DPYSL2: variants seen among roughly 807,000 people sequenced by gnomAD.
DPYSL2 encodes dihydropyrimidinase like 2, also known as dihydropyrimidinase-related protein 2.
A neutral mutation model predicts 69.9 loss-of-function variants in DPYSL2; 13 were observed. That is an observed-to-expected ratio of 0.19 (90% CI 0.12 to 0.30). The LOEUF (loss-of-function observed/expected upper bound fraction) is 0.30. Ranked by LOEUF, DPYSL2 falls within the 10% of genes least tolerant of loss-of-function variation. The pLI, the probability that DPYSL2 is intolerant of heterozygous loss-of-function variation, is 1.00. For missense variants in DPYSL2, 587 were observed against 918.9 expected (o/e 0.64, Z 4.67); for synonymous variants, 326 against 359.1 (o/e 0.91, Z 1.04).
At chr8:26,544,107 A>G (rs540937765) in intron 1 of DPYSL2, among the ~76,000 whole-genome samples, 19 of 152,366 alleles carry the variant, frequency 1.2e-4, no homozygotes, top group Admixed American at 6.5e-4. Flanking sequence ...GACTCAATGT[A>G]TTAGTTTACT....
chr8:26,630,487 G>C (rs374335793), intron 7 of DPYSL2, among the ~76,000 whole-genome samples: 1 of 152,180 alleles, frequency 6.6e-6, no homozygotes, highest in African/African-American at 2.4e-5. Context: ...CAGTTCTCAC[G>C]TGAGCCCTGT....
chr8:26,534,433 G>A (rs1352904128), intron 1 of DPYSL2, among the ~76,000 whole-genome samples: 1 of 151,568 alleles, frequency 6.6e-6, no homozygotes, highest in African/African-American at 2.4e-5. Flanking sequence ...TACTAGGATT[G>A]TAGGCATAAG....
intron 1 of DPYSL2, among the ~76,000 whole-genome samples, chr8:26,524,654 C>T (rs1479606724): frequency 5.9e-5 from 9 of 151,584 alleles, no homozygotes; most frequent in African/African-American, 1.5e-4. Flanking sequence ...AAAAATTAGC[C>T]GGGCATGTAT....
At chr8:26,578,323 C>A in intron 1 of DPYSL2, 2 of 1,613,860 alleles carry the variant, frequency 1.2e-6, no homozygotes, top group Non-Finnish European at 1.7e-6. Context: ...AATCTGCGGT[C>A]GGCCAGCCAC....
Position 26,517,400 on chromosome 8 carries a change from G to A in DPYSL2, c.354+2721G>A, listed in dbSNP as rs1441576022. 1.3e-5 allele frequency among the ~76,000 whole-genome samples: 2 copies of A among 152,224 alleles called. No individual in the cohort carries two copies. Among genetic ancestry groups the A allele is most frequent in the Admixed American group, 1.3e-4 (2 of 15,286 alleles). On this transcript the variant is annotated intron_variant, in intron 1 of 13. Coordinates refer to ENST00000521913, the MANE Select transcript of DPYSL2 (RefSeq NM_001197293.3). The surrounding 1 kb of genome is among the most constrained non-coding windows in gnomAD (Gnocchi z 4.2). The stretch of plus-strand genomic sequence containing the variant: ...CATGTCAGATTTTGGCGGAGGAAAA[G>A]AGCTGGCATAGTGGTTGTGAATGAG...
intron 1 of DPYSL2, among the ~76,000 whole-genome samples, chr8:26,518,028 C>T (rs1292745652): frequency 6.6e-6 from 1 of 152,236 alleles, no homozygotes; most frequent in East Asian, 1.9e-4. Flanking sequence ...TCAGTCTTGG[C>T]TTCCCTTCTC....
intron 1 of DPYSL2, among the ~76,000 whole-genome samples, chr8:26,534,861 G>T (rs1225294596): frequency 6.6e-6 from 1 of 152,014 alleles, no homozygotes; most frequent in African/African-American, 2.4e-5. Flanking sequence ...TCTAACTCCT[G>T]ACCTCAAGTA....
chr8:26,556,295 G>GTATATATATACTATATATATAC (rs1381976098), intron 1 of DPYSL2, among the ~76,000 whole-genome samples: 1 of 6,784 alleles, frequency 1.5e-4, no homozygotes, highest in African/African-American at 3.2e-4. Context: ...AATATATATA[G>GTATATATATACTATATATATAC]TATATATATA....
At chr8:26,515,889 C>T (rs1808278943) in intron 1 of DPYSL2, among the ~76,000 whole-genome samples, 1 of 152,152 alleles carries the variant, frequency 6.6e-6, no homozygotes, top group African/African-American at 2.4e-5. Flanking sequence ...AGAGGGCTTC[C>T]AGAGTAGTTG....
chr8:26,632,604 C>T (rs978982835), intron 7 of DPYSL2, among the ~76,000 whole-genome samples: 3 of 152,074 alleles, frequency 2.0e-5, no homozygotes, highest in African/African-American at 7.2e-5. Context: ...TTTGGGAGGC[C>T]GAGGTGGGAA....
chr8:26,556,278 TTTATATA>T (rs368423114), intron 1 of DPYSL2, among the ~76,000 whole-genome samples: 2 of 10,988 alleles, frequency 1.8e-4, no homozygotes, highest in South Asian at 2.5e-3. Flanking sequence ...ATATATAGTA[TTTATATA>T]ATATATATAG....
At chr8:26,547,898 T>C in intron 1 of DPYSL2, 1 of 274,720 alleles carries the variant, frequency 3.6e-6, no homozygotes, top group Admixed American at 3.4e-5. Flanking sequence ...TGAGTGCCAC[T>C]GAAATCCCCA....
Position 26,640,609 on chromosome 8 carries a change from T to G in DPYSL2, c.1127-2830T>G, listed in dbSNP as rs546322189. Among the ~76,000 whole-genome samples the G allele has an allele frequency of 2.0e-4, 30 of 152,132 alleles. No individual in the cohort carries two copies. The highest frequency in any genetic ancestry group is 3.5e-4 in the Non-Finnish European group (24 of 68,028). On this transcript the variant is annotated intron_variant, in intron 8 of 13. Transcript: ENST00000521913. The surrounding 1 kb of genome is among the most constrained non-coding windows in gnomAD (Gnocchi z 4.2). ...CTGGGGATGGGAGGCAGAGACTCTA[T>G]GTATAGATCATACTCTTGTGGAGGT...
chr8:26,523,171 T>TATA (rs1563373603), intron 1 of DPYSL2, among the ~76,000 whole-genome samples: 35 of 151,520 alleles, frequency 2.3e-4, no homozygotes, highest in African/African-American at 7.7e-4. Context: ...ATATATATAT[T>TATA]TTTAAATAAT....
intron 7 of DPYSL2, among the ~76,000 whole-genome samples, chr8:26,631,722 A>T (rs1802779267): frequency 6.6e-6 from 1 of 152,056 alleles, no homozygotes; most frequent in Non-Finnish European, 1.5e-5. Context: ...CTTGTATGCC[A>T]GGCCCTGAGT....
intron 3 of DPYSL2, among the ~76,000 whole-genome samples, chr8:26,584,414 A>G (rs1407855921): frequency 6.6e-6 from 1 of 152,128 alleles, no homozygotes; most frequent in African/African-American, 2.4e-5. Flanking sequence ...GGCTGCAACA[A>G]ATGAAATGCT....
intron 1 of DPYSL2, chr8:26,577,034 C>T: frequency 2.8e-6 from 1 of 362,662 alleles, no homozygotes; most frequent in South Asian, 1.9e-5. Flanking sequence ...ATTCCTCCGC[C>T]CTACTAAGTT....
At chr8:26,540,685 C>T (rs1296094393) in intron 1 of DPYSL2, among the ~76,000 whole-genome samples, 1 of 152,116 alleles carries the variant, frequency 6.6e-6, no homozygotes, top group African/African-American at 2.4e-5. Flanking sequence ...GCAGGCAGAT[C>T]ACCTGAAGTT....
At position 26,640,081 on chromosome 8, in the gene DPYSL2, G is replaced by A. The variant is rs1416837965; in HGVS notation, c.1127-3358G>A. Among the ~76,000 whole-genome samples the A allele has an allele frequency of 6.6e-6, 1 of 152,170 alleles. No homozygotes were observed. Among genetic ancestry groups the A allele is most frequent in the African/African-American group, 2.4e-5 (1 of 41,436 alleles). ...AGTTGGTTTTCACTGTGCTTTGGTGGCTGCATATGGAGCTACAGATACTGA... is the reference window on the plus strand; with the variant it reads ...AGTTGGTTTTCACTGTGCTTTGGTGACTGCATATGGAGCTACAGATACTGA... On this transcript the variant is annotated intron_variant, in intron 8 of 13. Coordinates refer to ENST00000521913, the MANE Select transcript of DPYSL2 (RefSeq NM_001197293.3). This position sits in a 1 kb window ranked among gnomAD's most constrained non-coding sequence, Gnocchi z 4.2.
Sources: gnomAD v4.1 joint callset for allele counts (sites outside exome capture counted in the v4.1 genomes callset) on GRCh38, gnomAD v4.1.1 for gene constraint, Gnocchi (gnomAD v3.1) non-coding constraint, MANE v1.5 for transcripts, NCBI Gene and HGNC (gene_info 2026-07-23, HGNC 2026-07-21) for gene names.